RNF149: variants seen among roughly 807,000 people sequenced by gnomAD.
The protein encoded by RNF149 is ring finger protein 149.
In RNF149, 21 loss-of-function variants were observed where a neutral mutation model predicts 39.0. The ratio of observed to expected loss-of-function variants is 0.54; its 90% CI spans 0.38 to 0.77. The LOEUF is 0.77. RNF149 is among the 30% of genes least tolerant of loss of function. The pLI is 0.00. For missense variants in RNF149, 493 were observed against 534.9 expected (o/e 0.92, Z 0.77); for synonymous variants, 209 against 213.6 (o/e 0.98, Z 0.19).
downstream of RNF149, among the ~76,000 whole-genome samples, chr2:101,272,664 C>A (rs978661226): frequency 3.3e-5 from 5 of 152,204 alleles, no homozygotes. Context: ...TTGACTAAAA[C>A]ATATAATTAC....
At chr2:101,294,835 T>C in intron 2 of RNF149, 96 bp downstream of exon 2, 1 of 1,043,914 alleles carries the variant, frequency 9.6e-7, no homozygotes, top group Non-Finnish European at 1.4e-6. Flanking sequence ...TAAGCGAAAA[T>C]CAAGATTATG....
At chr2:101,299,015 G>A (rs958895621) in intron 1 of RNF149, among the ~76,000 whole-genome samples, 8 of 152,024 alleles carry the variant, frequency 5.3e-5, no homozygotes. Flanking sequence ...AAATTAGCTG[G>A]GCATGGTAGC....
intron 1 of RNF149, among the ~76,000 whole-genome samples, chr2:101,302,228 C>T (rs546003638): frequency 1.5e-4 from 23 of 152,264 alleles, no homozygotes; most frequent in Admixed American, 3.3e-4. Context: ...GAAGCAGTGA[C>T]GGCCCATAAA....
intron 6 of RNF149, among the ~76,000 whole-genome samples, chr2:101,280,526 A>G (rs186239774): frequency 5.0e-4 from 76 of 152,274 alleles, no homozygotes; most frequent in Admixed American, 4.8e-3. Flanking sequence ...CAATCCTAAC[A>G]TAAGAAAGAC....
intron 6 of RNF149, among the ~76,000 whole-genome samples, chr2:101,278,203 T>TCAA (rs1682423644): frequency 6.6e-6 from 1 of 152,162 alleles, no homozygotes; most frequent in Admixed American, 6.5e-5. Context: ...TGCAGTGCAG[T>TCAA]GACATGATCA....
At chr2:101,289,192 C>A (rs1682909844) in intron 3 of RNF149, 137 bp from the exon 4 acceptor site, 1 of 597,540 alleles carries the variant, frequency 1.7e-6, no homozygotes, top group Non-Finnish European at 3.0e-6. Context: ...ACACAAATAA[C>A]TGTACTTGGT....
chr2:101,295,673 A>G (rs1683204818), intron 1 of RNF149, among the ~76,000 whole-genome samples: 1 of 151,808 alleles, frequency 6.6e-6, no homozygotes, highest in Non-Finnish European at 1.5e-5. Context: ...AAAAAAAAAA[A>G]AAAGAACTAT....
intron 5 of RNF149, among the ~76,000 whole-genome samples, chr2:101,285,259 T>C (rs1479486403): frequency 6.6e-6 from 1 of 152,156 alleles, no homozygotes; most frequent in African/African-American, 2.4e-5. Context: ...ATGAAGACTC[T>C]AAAAACAATA....
At chr2:101,307,967 C>T (rs1399327140) in intron 1 of RNF149, 162 bp downstream of exon 1, 1 of 985,466 alleles carries the variant, frequency 1.0e-6, no homozygotes, top group Non-Finnish European at 1.2e-6. Flanking sequence ...GATCGGGGAG[C>T]CGCACCGAGC....
At chr2:101,293,906 C>T (rs1013684999) in intron 3 of RNF149, 108 bp downstream of exon 3, 7 of 641,000 alleles carry the variant, frequency 1.1e-5, no homozygotes, top group Admixed American at 2.7e-5. Flanking sequence ...GTCTAGAAGG[C>T]CCTTCTCAAT....
chr2:101,288,823 T>A, intron 4 of RNF149, 150 bp downstream of exon 4: 1 of 580,796 alleles, frequency 1.7e-6, no homozygotes, highest in African/African-American at 1.9e-5. Context: ...GGGAAGATAT[T>A]ATATTTAAAA....
At chr2:101,287,527 T>C (rs1558783188) in intron 4 of RNF149, among the ~76,000 whole-genome samples, 1 of 152,238 alleles carries the variant, frequency 6.6e-6, no homozygotes, top group Non-Finnish European at 1.5e-5. Context: ...GCCACCAGCA[T>C]GACCTAGTAC....
intron 3 of RNF149, among the ~76,000 whole-genome samples, chr2:101,292,227 G>A (rs148502976): frequency 1.5e-3 from 234 of 152,076 alleles, no homozygotes; most frequent in African/African-American, 5.3e-3. Context: ...TGGAAGGTGG[G>A]GGCCATCTGT....
At chr2:101,297,029 C>T (rs1438750640) in intron 1 of RNF149, among the ~76,000 whole-genome samples, 60 of 152,046 alleles carry the variant, frequency 3.9e-4, no homozygotes, top group African/African-American at 1.4e-3. Flanking sequence ...GCCAAAATGG[C>T]GAAACCCCGT....
chr2:101,277,415 G>T, intron 6 of RNF149, 134 bp from the exon 7 acceptor site: 5 of 1,267,814 alleles, frequency 3.9e-6, no homozygotes, highest in Non-Finnish European at 5.2e-6. Context: ...TTGAGACGGA[G>T]TCTTGTTCTT....
At chr2:101,282,121 T>C in intron 5 of RNF149, 64 bp from the exon 6 acceptor site, 1 of 1,589,752 alleles carries the variant, frequency 6.3e-7, no homozygotes, top group Non-Finnish European at 8.6e-7. Flanking sequence ...AGCTTATGTA[T>C]CATCTGGCTC....
At chr2:101,297,222 A>G (rs1356024585) in intron 1 of RNF149, among the ~76,000 whole-genome samples, 1 of 150,604 alleles carries the variant, frequency 6.6e-6, no homozygotes, top group African/African-American at 2.5e-5. Flanking sequence ...ACAAAATACA[A>G]AAAGGGCAAA....
rs143737069 is a variant in RNF149, at chr2:101,299,442, C to T, written c.461-4261G>A. 6.2e-3 allele frequency among the ~76,000 whole-genome samples: 950 copies of T among 152,174 alleles called. 4 individuals are homozygous for T. The highest frequency in any genetic ancestry group is 0.022 in the African/African-American group (908 of 41,504). The stretch of plus-strand genomic sequence containing the variant: ...ACCCACACAACCAACCATGTCATCA[C>T]AAGGGGACACAACAAAGGAGGAAGG... On this transcript the variant is annotated intron_variant, in intron 1 of 6. Transcript: ENST00000295317.
chr2:101,278,237 G>A (rs1286686146), intron 6 of RNF149, among the ~76,000 whole-genome samples: 5 of 151,868 alleles, frequency 3.3e-5, no homozygotes, highest in Admixed American at 6.6e-5. Context: ...CTGCATCCTC[G>A]ACTTCCTGGG....
Sources: allele counts gnomAD v4.1 joint callset (sites outside exome capture counted in the v4.1 genomes callset), GRCh38; gene constraint gnomAD v4.1.1; transcripts MANE v1.5; gene names NCBI Gene and HGNC (gene_info 2026-07-23, HGNC 2026-07-21).